Variants in EXOC1L observed in about 807,000 individuals in gnomAD.
EXOC1L encodes exocyst complex component 1 like, also known as exocyst complex component 1-like.
A neutral mutation model predicts 4.9 loss-of-function variants in EXOC1L; 10 were observed. The ratio of observed to expected loss-of-function variants is 2.02; its 90% CI spans 1.25 to 3.43. The LOEUF (loss-of-function observed/expected upper bound fraction) is 3.43. EXOC1L is among the 30% of genes most tolerant of loss of function. The pLI, the probability that EXOC1L is intolerant of heterozygous loss-of-function variation, is 0.00. For missense variants in EXOC1L, 114 were observed against 59.4 expected, an observed-to-expected ratio of 1.92 and a Z score of -3.02; for synonymous variants, 41 against 20.8, an observed-to-expected ratio of 1.97 and a Z score of -2.63.
rs111358539 is a variant in EXOC1L, at chr4:55,828,158, C to T, written c.122-3176C>T. ...TGGAATATGTGATCTCCATCATAGCCTTTAGTCTTCCTTCCTATTACCTTT... is the reference window on the plus strand; with the variant it reads ...TGGAATATGTGATCTCCATCATAGCTTTTAGTCTTCCTTCCTATTACCTTT... On this transcript the variant is annotated intron_variant, in intron 1 of 2. Transcript: ENST00000636125. Among the ~76,000 whole-genome samples the T allele has an allele frequency of 4.6e-5, 7 of 152,278 alleles. 1 individual carries two copies. Among genetic ancestry groups the T allele is most frequent in the African/African-American group, 1.2e-4 (5 of 41,564 alleles).
intron 1 of EXOC1L, among the ~76,000 whole-genome samples, chr4:55,829,582 C>T (rs1047222856): frequency 2.6e-5 from 4 of 152,280 alleles, no homozygotes; most frequent in African/African-American, 4.8e-5. Context: ...GGAGACTCAA[C>T]GAACAGGTGT....
intron 2 of EXOC1L, among the ~76,000 whole-genome samples, chr4:55,832,535 A>G (rs1018767234): frequency 1.3e-5 from 2 of 151,972 alleles, no homozygotes; most frequent in Admixed American, 1.3e-4. Flanking sequence ...GATGGTTACC[A>G]TTACTACTGC....
At chr4:55,835,866 T>C (rs1321506574) in intron 2 of EXOC1L, among the ~76,000 whole-genome samples, 2 of 151,914 alleles carry the variant, frequency 1.3e-5, no homozygotes, top group Non-Finnish European at 2.9e-5. Context: ...GATTATGTTT[T>C]GTTTTTAACT....
chr4:55,831,418 G>C lies in EXOC1L; in HGVS notation c.206G>C (p.Trp69Ser). The C allele has an allele frequency of 5.8e-6, 4 of 695,204 alleles. No homozygotes were observed. Among genetic ancestry groups the C allele is most frequent in the Non-Finnish European group, 1.0e-5 (4 of 381,832 alleles). The allele number at this position is 695,204 out of a possible 1,614,324, so 43.1% of individuals were successfully genotyped here. ...LDEKYEVTKK[W>S]SLNDLQMIDG... ...GAAAAATATGAAGTAACAAAAAAGT[G>C]GTCTTTGAACGATCTGCAGATGATT... Residue 69 changes from tryptophan (W) to serine (S), a missense_variant, in exon 2 of 3, where the codon TGG (tryptophan) becomes TCG (serine). Coordinates refer to ENST00000636125, the MANE Select transcript of EXOC1L (RefSeq NM_001351574.3).
intron 1 of EXOC1L, among the ~76,000 whole-genome samples, chr4:55,822,374 C>G (rs1719769170): frequency 1.3e-5 from 2 of 152,060 alleles, no homozygotes; most frequent in African/African-American, 4.8e-5. Context: ...GACCGCAGCC[C>G]ACTCCCACCT....
At chr4:55,821,679 G>A (rs1394260645) in intron 1 of EXOC1L, among the ~76,000 whole-genome samples, 1 of 151,976 alleles carries the variant, frequency 6.6e-6, no homozygotes, top group Admixed American at 6.6e-5. Context: ...AGATTTAAAT[G>A]TTTGGAAATA....
At chr4:55,823,784 C>T in intron 1 of EXOC1L, among the ~76,000 whole-genome samples, 1 of 152,166 alleles carries the variant, frequency 6.6e-6, no homozygotes, top group East Asian at 1.9e-4. Flanking sequence ...TTTCGGCTCA[C>T]TGCAATCTCC....
intron 1 of EXOC1L, among the ~76,000 whole-genome samples, chr4:55,830,764 G>A (rs953017091): frequency 6.6e-6 from 1 of 152,088 alleles, no homozygotes; most frequent in African/African-American, 2.4e-5. Context: ...TTACAATCTC[G>A]AGCAATACCA....
At chr4:55,828,104 A>G (rs186199747) in intron 1 of EXOC1L, among the ~76,000 whole-genome samples, 1 of 152,048 alleles carries the variant, frequency 6.6e-6, no homozygotes, top group East Asian at 1.9e-4. Flanking sequence ...CTGCCTCCAA[A>G]ACGTATAATC....
In EXOC1L at chr4:55,837,103, C is replaced by G. The variant is rs1221026542; in HGVS notation, c.271C>G (p.Leu91Val). 10 of 697,302 alleles carry G rather than the reference C, an allele frequency of 1.4e-5. No individual in the cohort carries two copies. The highest frequency in any genetic ancestry group is 2.4e-5 in the Non-Finnish European group (9 of 382,418). 43.2% of individuals were successfully genotyped at this position (697,302 alleles called of 1,614,324 possible). A position where few individuals can be genotyped will look rare whatever the true frequency, so the allele number is the denominator to read the frequency against. The change falls in exon 3 of 3, where the codon CTG (leucine) becomes GTG (valine). Residue 91 changes from leucine to valine, a missense_variant. Leu to Val is a conservative substitution (Grantham distance 32). Coordinates refer to ENST00000636125, the MANE Select transcript of EXOC1L (RefSeq NM_001351574.3). The stretch of plus-strand genomic sequence containing the variant: ...CTTCCAGGACAATCCATTTTTTGAT[C>G]TGCACTTCAAGAAAGTGTACAGTTT... The part of the protein sequence containing the change: ...EADTDNPFFD[L>V]HFKKVYSLEA...
At chr4:55,833,274 T>G (rs1382668942) in intron 2 of EXOC1L, among the ~76,000 whole-genome samples, 1 of 151,890 alleles carries the variant, frequency 6.6e-6, no homozygotes, top group African/African-American at 2.4e-5. Context: ...TTTCTAAAAA[T>G]CAGCTAAATA....
At chr4:55,835,981 T>C (rs1720150633) in intron 2 of EXOC1L, among the ~76,000 whole-genome samples, 2 of 151,890 alleles carry the variant, frequency 1.3e-5, no homozygotes, top group South Asian at 4.1e-4. Flanking sequence ...CTATCTAAAA[T>C]AAGGAGAAAA....
At chr4:55,824,424 C>G (rs1420598224) in intron 1 of EXOC1L, among the ~76,000 whole-genome samples, 1 of 151,866 alleles carries the variant, frequency 6.6e-6, no homozygotes, top group Non-Finnish European at 1.5e-5. Context: ...GTGCAGTGGC[C>G]TGATCTTGGC....
At chr4:55,825,328 G>A (rs573029571) in intron 1 of EXOC1L, among the ~76,000 whole-genome samples, 2 of 152,270 alleles carry the variant, frequency 1.3e-5, no homozygotes, top group East Asian at 3.9e-4. Flanking sequence ...ACCAGTAAGA[G>A]TAGATGCTTT....
At position 55,822,069 on chromosome 4, in the gene EXOC1L, T is replaced by A. The variant is rs146537361; in HGVS notation, c.121+1922T>A. Among the ~76,000 whole-genome samples, 211 of 152,212 alleles carry A rather than the reference T, an allele frequency of 1.4e-3. 7 individuals are homozygous for A. In the East Asian group the frequency reaches 0.035, roughly 25 times the overall value. Reference sequence around the variant, plus strand: ...CGATGGCCACCTTCAGGGAGTAGAGTCACATTATGATTTCCTCTTTATTCC... The same window carrying A: ...CGATGGCCACCTTCAGGGAGTAGAGACACATTATGATTTCCTCTTTATTCC... On this transcript the variant is annotated intron_variant, in intron 1 of 2. Transcript: ENST00000636125.
At chr4:55,828,532 C>G (rs1026848387) in intron 1 of EXOC1L, among the ~76,000 whole-genome samples, 4 of 152,116 alleles carry the variant, frequency 2.6e-5, no homozygotes, top group African/African-American at 7.2e-5. Context: ...GCTCTTTTCT[C>G]TACAAATGTG....
At chr4:55,834,463 G>C (rs1246890174) in intron 2 of EXOC1L, among the ~76,000 whole-genome samples, 2 of 151,952 alleles carry the variant, frequency 1.3e-5, no homozygotes, top group African/African-American at 2.4e-5. Context: ...TATCAAAAAA[G>C]AGAGAGAAAG....
At chr4:55,823,794 C>T (rs960788753) in intron 1 of EXOC1L, among the ~76,000 whole-genome samples, 12 of 151,976 alleles carry the variant, frequency 7.9e-5, no homozygotes, top group African/African-American at 1.9e-4. Context: ...CTGCAATCTC[C>T]GCCTCCTGGG....
intron 1 of EXOC1L, among the ~76,000 whole-genome samples, chr4:55,828,510 C>T (rs1336409672): frequency 6.6e-6 from 1 of 152,138 alleles, no homozygotes; most frequent in East Asian, 1.9e-4. Flanking sequence ...CTTTCTCTCA[C>T]CTCTTTCCTC....
Sources: gnomAD v4.1 joint callset for allele counts (sites outside exome capture counted in the v4.1 genomes callset) on GRCh38, gnomAD v4.1.1 for gene constraint, MANE v1.5 for transcripts, NCBI Gene and HGNC (gene_info 2026-07-23, HGNC 2026-07-21) for gene names.